The following MBD5 variants were observed in gnomAD, a reference collection of about 807,000 sequenced individuals.
The protein encoded by MBD5 is methyl-CpG-binding domain protein 5.
Under a neutral mutation model 117.3 loss-of-function variants are expected in MBD5, and 13 were observed. That is an observed-to-expected ratio of 0.11 (90% CI 0.07 to 0.18). The LOEUF (loss-of-function observed/expected upper bound fraction) is 0.18. Ranked by LOEUF, MBD5 falls within the 10% of genes least tolerant of loss-of-function variation. MBD5 has a pLI of 1.00. For synonymous variants in MBD5, 727 were observed against 766.4 expected (o/e 0.95, Z 0.85); for missense variants, 1,879 against 2,093.8 (o/e 0.90, Z 2.00).
At chr2:148,152,172 T>C (rs1697694154) in intron 1 of MBD5, among the ~76,000 whole-genome samples, 1 of 152,224 alleles carries the variant, frequency 6.6e-6, no homozygotes. Context: ...AAAACATCTT[T>C]ATTTCTGCCT....
chr2:148,458,914 C>G, intron 5 of MBD5, 43 bp downstream of exon 5: 1 of 1,487,638 alleles, frequency 6.7e-7, no homozygotes, highest in South Asian at 1.1e-5. Context: ...AAGTTGTACT[C>G]CAAAGACTAA....
At chr2:148,351,463 A>C (rs1419226532) in intron 4 of MBD5, among the ~76,000 whole-genome samples, 1 of 152,104 alleles carries the variant, frequency 6.6e-6, no homozygotes, top group Non-Finnish European at 1.5e-5. Flanking sequence ...ATTGCTAAAT[A>C]ATATTCCATT....
chr2:148,108,711 G>A (rs955761562), intron 1 of MBD5, among the ~76,000 whole-genome samples: 2 of 151,984 alleles, frequency 1.3e-5, no homozygotes, highest in African/African-American at 4.8e-5. Flanking sequence ...GTTTTTGTTT[G>A]TTTGTTTGTT....
chr2:148,186,577 A>G (rs961968047), intron 2 of MBD5, among the ~76,000 whole-genome samples: 1 of 152,232 alleles, frequency 6.6e-6, no homozygotes, highest in African/African-American at 2.4e-5. Context: ...GTCATGAAGA[A>G]AAGAGCCTCA....
At chr2:148,376,448 T>G (rs1703990548) in intron 4 of MBD5, among the ~76,000 whole-genome samples, 1 of 150,496 alleles carries the variant, frequency 6.6e-6, no homozygotes, top group African/African-American at 2.4e-5. Flanking sequence ...TTTGTATTTT[T>G]AGCAGAGACG....
chr2:148,421,086 A>G (rs979575454), intron 4 of MBD5, among the ~76,000 whole-genome samples: 1 of 152,168 alleles, frequency 6.6e-6, no homozygotes, highest in Admixed American at 6.6e-5. Flanking sequence ...ATTTGTGATC[A>G]CTATCCTCAA....
At chr2:148,389,398 A>G (rs1559051075) in intron 4 of MBD5, among the ~76,000 whole-genome samples, 1 of 149,638 alleles carries the variant, frequency 6.7e-6, no homozygotes, top group Non-Finnish European at 1.5e-5. Flanking sequence ...TGAACATAAC[A>G]GTGCAGGTGT....
chr2:148,052,940 C>T (rs193282706), intron 1 of MBD5, among the ~76,000 whole-genome samples: 132 of 136,652 alleles, frequency 9.7e-4, no homozygotes, highest in African/African-American at 3.1e-3. Context: ...CCAACCTGGG[C>T]GACAGACCCA....
chr2:148,354,022 C>T (rs1221453914), intron 4 of MBD5, among the ~76,000 whole-genome samples: 4 of 152,090 alleles, frequency 2.6e-5, no homozygotes, highest in Non-Finnish European at 5.9e-5. Flanking sequence ...TCCTTCAACT[C>T]TTCTTCTTCC....
intron 2 of MBD5, among the ~76,000 whole-genome samples, chr2:148,179,622 A>G (rs1698474815): frequency 6.6e-6 from 1 of 152,126 alleles, no homozygotes; most frequent in South Asian, 2.1e-4. Flanking sequence ...TTTACCTAGC[A>G]TATTCTTTCA....
intron 8 of MBD5, among the ~76,000 whole-genome samples, chr2:148,478,056 A>G (rs912030157): frequency 2.0e-5 from 3 of 152,196 alleles, no homozygotes; most frequent in African/African-American, 4.8e-5. Context: ...AGACAGCCAT[A>G]TAAGAGTTTA....
At chr2:148,030,791 A>G (rs1209677065) in intron 1 of MBD5, among the ~76,000 whole-genome samples, 1 of 152,210 alleles carries the variant, frequency 6.6e-6, no homozygotes, top group Non-Finnish European at 1.5e-5. Flanking sequence ...TTGCAGTTCT[A>G]GTCTAAATAG....
chr2:148,094,464 C>T (rs1696012671), intron 1 of MBD5, among the ~76,000 whole-genome samples: 1 of 152,140 alleles, frequency 6.6e-6, no homozygotes, highest in African/African-American at 2.4e-5. Context: ...TTCAGTCATT[C>T]AATGTCTGTT....
intron 4 of MBD5, among the ~76,000 whole-genome samples, chr2:148,453,370 A>C (rs1226382438): frequency 6.6e-6 from 1 of 152,132 alleles, no homozygotes; most frequent in African/African-American, 2.4e-5. Context: ...GAAACTGAAA[A>C]CATTGGTGGA....
At chr2:148,323,622 T>C (rs1225662722) in intron 3 of MBD5, among the ~76,000 whole-genome samples, 2 of 151,600 alleles carry the variant, frequency 1.3e-5, no homozygotes, top group African/African-American at 4.8e-5. Context: ...TTTCATGTGT[T>C]TTTTGGCTGC....
rs1407188169 is a variant in MBD5, at chr2:148,052,212, T to TTTTTTG, written c.-925+30533_-925+30534insGTTTTT. On this transcript the variant is annotated intron_variant, in intron 1 of 13. Coordinates refer to ENST00000642680, the MANE Select transcript of MBD5 (RefSeq NM_001378120.1). Reference sequence around the variant, plus strand: ...GGTATAAGACTGTTATTGAGTTTTTTTTTTTTTTTTTTTTTGAGATGGAGT... The same window carrying TTTTTTG: ...GGTATAAGACTGTTATTGAGTTTTTTTTTTTGTTTTTTTTTTTTTTTGAGATGGAGT... Among the ~76,000 whole-genome samples the TTTTTTG allele has an allele frequency of 1.2e-4, 16 of 136,042 alleles. 1 individual carries two copies. Among genetic ancestry groups the TTTTTTG allele is most frequent in the African/African-American group, 4.1e-4 (15 of 36,888 alleles). 89.2% of individuals were successfully genotyped at this position (136,042 alleles called of 152,430 possible).
intron 2 of MBD5, among the ~76,000 whole-genome samples, chr2:148,214,597 A>T (rs1217124032): frequency 6.6e-6 from 1 of 152,228 alleles, no homozygotes; most frequent in Non-Finnish European, 1.5e-5. Flanking sequence ...ATCTGAGCTT[A>T]TGCCTGATAA....
At chr2:148,403,709 C>G (rs867058943) in intron 4 of MBD5, among the ~76,000 whole-genome samples, 1 of 152,042 alleles carries the variant, frequency 6.6e-6, no homozygotes. Context: ...TACAATGCAC[C>G]AATCTTGTTC....
chr2:148,292,065 C>G (rs761128906), intron 3 of MBD5, among the ~76,000 whole-genome samples: 5 of 152,272 alleles, frequency 3.3e-5, no homozygotes, highest in African/African-American at 1.2e-4. Flanking sequence ...AAAACCAAAT[C>G]AAAATACATT....
Sources: gnomAD v4.1 joint callset for allele counts (sites outside exome capture counted in the v4.1 genomes callset) on GRCh38, gnomAD v4.1.1 for gene constraint, MANE v1.5 for transcripts, NCBI Gene and HGNC (gene_info 2026-07-23, HGNC 2026-07-21) for gene names.